GRID2: variants seen among roughly 807,000 people sequenced by gnomAD.
GRID2 encodes glutamate ionotropic receptor delta type subunit 2, also known as glutamate receptor ionotropic, delta-2.
GRID2 carries 33 observed loss-of-function variants against 114.8 expected under a neutral mutation model. That is an observed-to-expected ratio of 0.29 (90% CI 0.22 to 0.38). GRID2 has a LOEUF of 0.38. Among genes scored for constraint, GRID2 ranks in the 10% least tolerant of loss-of-function variants. GRID2 has a pLI of 1.00. For synonymous variants in GRID2, 505 were observed against 449.9 expected (o/e 1.12, Z -1.55); for missense variants, 1,184 against 1,257.7 (o/e 0.94, Z 0.89).
intron 1 of GRID2, among the ~76,000 whole-genome samples, chr4:92,546,082 C>T (rs1278574781): frequency 2.0e-5 from 3 of 152,090 alleles, no homozygotes; most frequent in Admixed American, 6.6e-5. Flanking sequence ...CACAATCTGC[C>T]TGTTCAGGGA....
intron 2 of GRID2, among the ~76,000 whole-genome samples, chr4:92,690,121 G>A (rs1431418949): frequency 6.6e-6 from 1 of 151,788 alleles, no homozygotes; most frequent in African/African-American, 2.4e-5. Context: ...GGGCACCTGA[G>A]GCCTAGTTTT....
chr4:93,491,201 C>T (rs1373673505), intron 12 of GRID2, among the ~76,000 whole-genome samples: 4 of 151,748 alleles, frequency 2.6e-5, no homozygotes, highest in East Asian at 1.9e-4. Flanking sequence ...GAGAGATAGA[C>T]GGATGATTGG....
rs1181025176 is a variant in GRID2 at position 92,939,634 on chromosome 4, C to T, written c.245-145361C>T. On this transcript the variant is annotated intron_variant, in intron 2 of 15. Transcript: ENST00000282020. Reference sequence around the variant, plus strand: ...CTTTTGGTGTTTTAGACATGAAGTCCTTGCCCATGCCTATGTCCTGAATGG... The same window carrying T: ...CTTTTGGTGTTTTAGACATGAAGTCTTTGCCCATGCCTATGTCCTGAATGG... 3.4e-5 allele frequency among the ~76,000 whole-genome samples: 5 copies of T among 147,064 alleles called. 1 individual carries two copies. Among genetic ancestry groups the T allele is most frequent in the Admixed American group, 2.9e-4 (4 of 13,606 alleles).
chr4:93,548,118 G>A (rs924504465), intron 13 of GRID2, among the ~76,000 whole-genome samples: 4 of 151,878 alleles, frequency 2.6e-5, no homozygotes, highest in Non-Finnish European at 4.4e-5. Flanking sequence ...CGGAGGTTGC[G>A]GTGAGCCGAG....
chr4:92,541,888 T>C (rs1725983351), intron 1 of GRID2, among the ~76,000 whole-genome samples: 1 of 152,090 alleles, frequency 6.6e-6, no homozygotes, highest in African/African-American at 2.4e-5. Context: ...TTTTTTTAAA[T>C]AGGTGAAACA....
In GRID2 at chr4:92,698,458, TAAG is replaced by T. The variant is rs1365183575; in HGVS notation, c.244+108175_244+108177del. Among the ~76,000 whole-genome samples, 8 of 151,842 alleles carry T rather than the reference TAAG, an allele frequency of 5.3e-5. No individual in the cohort carries two copies. In the East Asian group the frequency reaches 1.2e-3, roughly 22 times the overall value. On this transcript the variant is annotated intron_variant, in intron 2 of 15. Coordinates refer to ENST00000282020, the MANE Select transcript of GRID2 (RefSeq NM_001510.4). ...TCACTATTAATAACCCACTAGAAAA[TAAG>T]AAAAAAATTAATAAAAATAGTAAAT...
chr4:92,590,116 T>A lies in GRID2; in HGVS notation c.89-15T>A, dbSNP rs1025890680. The A allele has an allele frequency of 6.3e-7, 1 of 1,585,292 alleles. No individual in the cohort carries two copies. Among genetic ancestry groups the A allele is most frequent in the African/African-American group, 1.3e-5 (1 of 74,360 alleles). On this transcript the variant is annotated splice_polypyrimidine_tract_variant and intron_variant, in intron 1 of 15. Transcript: ENST00000282020. ...TTTATGTTATTATTTAATGGCAAAA[T>A]TCACTTCTTTCTAGGAGCAATTTTT...
intron 1 of GRID2, among the ~76,000 whole-genome samples, chr4:92,439,222 A>G (rs1251219995): frequency 2.0e-5 from 3 of 152,022 alleles, no homozygotes; most frequent in Non-Finnish European, 4.4e-5. Context: ...TTCACAAGGT[A>G]ATGTCATCAC....
In GRID2 at chr4:92,998,704, G is replaced by T. The variant is rs567192265; in HGVS notation, c.245-86291G>T. Among the ~76,000 whole-genome samples, 8 of 151,172 alleles carry T rather than the reference G, an allele frequency of 5.3e-5. No individual in the cohort carries two copies. In the South Asian group the frequency reaches 8.3e-4, roughly 16 times the overall value. On this transcript the variant is annotated intron_variant, in intron 2 of 15. Transcript: ENST00000282020. ...TGTCAGATTTTTTTTTTTCAAGAGG[G>T]TCCATGACTATAGAATCATTAAGAA... is the stretch of plus-strand genomic sequence containing the variant.
chr4:93,322,839 GTCT>G (rs1184889703), intron 8 of GRID2, among the ~76,000 whole-genome samples: 2 of 152,122 alleles, frequency 1.3e-5, no homozygotes, highest in Non-Finnish European at 2.9e-5. Context: ...CTGCATAAAT[GTCT>G]TCTTTTGAGA....
intron 1 of GRID2, among the ~76,000 whole-genome samples, chr4:92,401,517 A>C (rs1457769275): frequency 6.6e-6 from 1 of 152,182 alleles, no homozygotes; most frequent in African/African-American, 2.4e-5. Flanking sequence ...AGCAAATATC[A>C]AAAAAGCAAA....
Position 92,389,887 on chromosome 4 carries a change from G to A in GRID2, c.88+85143G>A, listed in dbSNP as rs142424200. 1.5e-3 allele frequency among the ~76,000 whole-genome samples: 235 copies of A among 152,094 alleles called. 2 individuals are homozygous for A. Among genetic ancestry groups the A allele is most frequent in the African/African-American group, 5.5e-3 (229 of 41,502 alleles). Reference sequence around the variant, plus strand: ...ATTATTAATGTGGGTAAGAACACTGGACTCAATCTTTTCAAAATTGCAGGT... The same window carrying A: ...ATTATTAATGTGGGTAAGAACACTGAACTCAATCTTTTCAAAATTGCAGGT... On this transcript the variant is annotated intron_variant, in intron 1 of 15. Coordinates refer to ENST00000282020, the MANE Select transcript of GRID2 (RefSeq NM_001510.4).
intron 2 of GRID2, among the ~76,000 whole-genome samples, chr4:92,932,338 G>A (rs1372419442): frequency 6.6e-6 from 1 of 151,058 alleles, no homozygotes; most frequent in Non-Finnish European, 1.5e-5. Context: ...ACAAGATAAG[G>A]TTTTGCACAA....
At chr4:92,574,276 G>T (rs886811786) in intron 1 of GRID2, among the ~76,000 whole-genome samples, 1 of 151,962 alleles carries the variant, frequency 6.6e-6, no homozygotes, top group Non-Finnish European at 1.5e-5. Flanking sequence ...TTAAATGGGG[G>T]CATTTATCCC....
intron 1 of GRID2, among the ~76,000 whole-genome samples, chr4:93,783,005 C>T (rs939248789): frequency 6.6e-6 from 1 of 152,106 alleles, no homozygotes; most frequent in African/African-American, 2.4e-5. Flanking sequence ...GTAAGACTTT[C>T]AAAGTAATTT....
chr4:92,923,194 G>A (rs1749509395), intron 2 of GRID2, among the ~76,000 whole-genome samples: 1 of 152,082 alleles, frequency 6.6e-6, no homozygotes, highest in South Asian at 2.1e-4. Flanking sequence ...CATATTTTAA[G>A]TTTTGAAAGG....
At chr4:93,136,645 C>A (rs1269782414) in intron 4 of GRID2, among the ~76,000 whole-genome samples, 1 of 151,666 alleles carries the variant, frequency 6.6e-6, no homozygotes, top group African/African-American at 2.4e-5. Flanking sequence ...GTTATATATC[C>A]ATTATATATG....
intron 10 of GRID2, among the ~76,000 whole-genome samples, chr4:93,437,718 A>G (rs1443819800): frequency 6.6e-6 from 1 of 152,090 alleles, no homozygotes; most frequent in Non-Finnish European, 1.5e-5. Flanking sequence ...CTTGCATTTA[A>G]TCACACTCCA....
chr4:92,806,606 A>G (rs1477701858), intron 2 of GRID2, among the ~76,000 whole-genome samples: 1 of 151,908 alleles, frequency 6.6e-6, no homozygotes, highest in Non-Finnish European at 1.5e-5. Context: ...GACCTAAGAT[A>G]TATAAGAGCC....
Sources: gnomAD v4.1 joint callset for allele counts (sites outside exome capture counted in the v4.1 genomes callset) on GRCh38, gnomAD v4.1.1 for gene constraint, MANE v1.5 for transcripts, NCBI Gene and HGNC (gene_info 2026-07-23, HGNC 2026-07-21) for gene names.